The following DCC variants were observed in gnomAD, a reference collection of about 807,000 sequenced individuals.
DCC encodes the protein netrin receptor DCC.
Under a neutral mutation model 172.5 loss-of-function variants are expected in DCC, and 58 were observed. That is an observed-to-expected ratio of 0.34 (90% CI 0.27 to 0.42). The LOEUF is 0.42. Ranked by LOEUF, DCC falls within the 10% of genes least tolerant of loss-of-function variation. DCC has a pLI of 1.00. For missense variants in DCC, 1,740 were observed against 1,791.0 expected, an observed-to-expected ratio of 0.97 and a Z score of 0.51; for synonymous variants, 709 against 644.5, an observed-to-expected ratio of 1.10 and a Z score of -1.52.
intron 27 of DCC, among the ~76,000 whole-genome samples, chr18:53,511,550 G>A (rs573241888): frequency 3.9e-5 from 6 of 152,336 alleles, no homozygotes; most frequent in East Asian, 3.9e-4. Flanking sequence ...CTGAGGTACC[G>A]GGTTCATCTC....
At chr18:52,953,340 C>G (rs1269789421) in intron 5 of DCC, among the ~76,000 whole-genome samples, 1 of 152,100 alleles carries the variant, frequency 6.6e-6, no homozygotes, top group Non-Finnish European at 1.5e-5. Context: ...TAGAGCAGTC[C>G]CAAACATGAG....
intron 1 of DCC, among the ~76,000 whole-genome samples, chr18:52,681,235 G>T (rs2035745404): frequency 6.6e-6 from 1 of 151,966 alleles, no homozygotes; most frequent in Non-Finnish European, 1.5e-5. Context: ...TCTATTCCAG[G>T]TCAGTCTCTC....
intron 1 of DCC, among the ~76,000 whole-genome samples, chr18:52,648,156 C>G (rs1259491825): frequency 6.6e-6 from 1 of 152,168 alleles, no homozygotes; most frequent in African/African-American, 2.4e-5. Context: ...TAGTGGTGTA[C>G]TGGAACCAGC....
intron 1 of DCC, among the ~76,000 whole-genome samples, chr18:52,529,277 T>G (rs538362363): frequency 6.6e-6 from 1 of 152,144 alleles, no homozygotes; most frequent in Admixed American, 6.5e-5. Context: ...GCAGCTGTGT[T>G]TTTTGGTTTG....
intron 19 of DCC, among the ~76,000 whole-genome samples, chr18:53,407,471 T>A (rs1234900774): frequency 6.8e-6 from 1 of 146,912 alleles, no homozygotes; most frequent in East Asian, 2.0e-4. Flanking sequence ...TATACAAATT[T>A]TATATATATC....
chr18:52,699,490 G>C (rs1294069511), intron 1 of DCC, among the ~76,000 whole-genome samples: 2 of 152,192 alleles, frequency 1.3e-5, no homozygotes, highest in Non-Finnish European at 2.9e-5. Context: ...TTAGCAGGAA[G>C]AATGTTAAAA....
At chr18:53,423,409 C>A (rs1910743011) in intron 21 of DCC, among the ~76,000 whole-genome samples, 1 of 152,112 alleles carries the variant, frequency 6.6e-6, no homozygotes, top group Non-Finnish European at 1.5e-5. Flanking sequence ...ACATCAAGAA[C>A]CTTGGCTATC....
intron 26 of DCC, among the ~76,000 whole-genome samples, chr18:53,493,792 T>A (rs2045986961): frequency 6.6e-6 from 1 of 152,068 alleles, no homozygotes; most frequent in Non-Finnish European, 1.5e-5. Flanking sequence ...AGTTATTTCT[T>A]GTCTTCTGCT....
intron 1 of DCC, among the ~76,000 whole-genome samples, chr18:52,447,404 G>T (rs900436082): frequency 6.6e-6 from 1 of 152,156 alleles, no homozygotes; most frequent in African/African-American, 2.4e-5. Flanking sequence ...TGTGTTAAGT[G>T]CCCACAGTGC....
chr18:53,372,365 C>A (rs956138570), intron 15 of DCC, among the ~76,000 whole-genome samples: 6 of 151,894 alleles, frequency 4.0e-5, no homozygotes. Flanking sequence ...GAATAGAAAA[C>A]CAAATACTAC....
At chr18:53,342,225 A>G (rs2057667187) in intron 15 of DCC, among the ~76,000 whole-genome samples, 1 of 152,072 alleles carries the variant, frequency 6.6e-6, no homozygotes, top group Non-Finnish European at 1.5e-5. Flanking sequence ...TGGAAATACA[A>G]GAACATTTTG....
At chr18:53,467,838 G>T (rs1502229) in intron 24 of DCC, 56 bp from the exon 25 acceptor site, 497,876 of 881,334 alleles carry the variant, frequency 0.56, 146,247 homozygotes, top group African/African-American at 0.68. Flanking sequence ...CTAGAAATTA[G>T]GTAAAGTGTT....
chr18:52,544,299 T>C (rs1418912140), intron 1 of DCC, among the ~76,000 whole-genome samples: 1 of 152,228 alleles, frequency 6.6e-6, no homozygotes. Flanking sequence ...CTTGTCATGC[T>C]GGGGGAAGAG....
intron 1 of DCC, among the ~76,000 whole-genome samples, chr18:52,604,956 C>A (rs918992776): frequency 1.3e-5 from 2 of 151,932 alleles, no homozygotes; most frequent in Non-Finnish European, 2.9e-5. Flanking sequence ...TATTTATTGG[C>A]ATATATTTAA....
intron 1 of DCC, among the ~76,000 whole-genome samples, chr18:52,750,999 C>T (rs2036985548): frequency 6.6e-6 from 1 of 152,206 alleles, no homozygotes; most frequent in Non-Finnish European, 1.5e-5. Flanking sequence ...ATGTCCATCT[C>T]TTCTGCATTT....
At chr18:52,984,149 T>C (rs1274072501) in intron 5 of DCC, among the ~76,000 whole-genome samples, 2 of 152,086 alleles carry the variant, frequency 1.3e-5, no homozygotes, top group African/African-American at 4.8e-5. Context: ...ATATAGAAAA[T>C]GATTTAAAGT....
intron 27 of DCC, among the ~76,000 whole-genome samples, chr18:53,516,211 A>G (rs796929074): frequency 6.6e-6 from 1 of 151,214 alleles, no homozygotes; most frequent in Non-Finnish European, 1.5e-5. Context: ...AGGATTCCCT[A>G]TTTAATAAAT....
intron 1 of DCC, among the ~76,000 whole-genome samples, chr18:52,700,369 A>G (rs902960686): frequency 7.1e-6 from 1 of 141,612 alleles, no homozygotes; most frequent in Admixed American, 7.2e-5. Context: ...ACACACACAC[A>G]TGCACACACA....
At chr18:52,569,304 A>G (rs2144755436) in intron 1 of DCC, among the ~76,000 whole-genome samples, 1 of 152,308 alleles carries the variant, frequency 6.6e-6, no homozygotes, top group African/African-American at 2.4e-5. Flanking sequence ...CAAATTATTC[A>G]ACTTGCATGC....
Sources: gnomAD v4.1 joint callset for allele counts (sites outside exome capture counted in the v4.1 genomes callset) on GRCh38, gnomAD v4.1.1 for gene constraint, MANE v1.5 for transcripts, NCBI Gene and HGNC (gene_info 2026-07-23, HGNC 2026-07-21) for gene names.